ATP2A2: variants seen among roughly 807,000 people sequenced by gnomAD.
The protein encoded by ATP2A2 is ATPase sarcoplasmic/endoplasmic reticulum Ca2+ transporting 2, also known as sarcoplasmic/endoplasmic reticulum calcium ATPase 2.
ATP2A2 carries 14 observed loss-of-function variants against 109.3 expected under a neutral mutation model. The ratio of observed to expected loss-of-function variants is 0.13; its 90% CI spans 0.08 to 0.20. The LOEUF (loss-of-function observed/expected upper bound fraction) is 0.20, where lower values mean the gene tolerates loss of function less well. Ranked by LOEUF, ATP2A2 falls within the 10% of genes least tolerant of loss-of-function variation. The pLI is 1.00. For synonymous variants in ATP2A2, 506 were observed against 490.9 expected, an observed-to-expected ratio of 1.03 and a Z score of -0.41; for missense variants, 657 against 1,321.6, an observed-to-expected ratio of 0.50 and a Z score of 7.80.
rs1335196051 is a variant in ATP2A2 at position 110,342,978 on chromosome 12, A to G, written c.2319-254A>G. On this transcript the variant is annotated intron_variant, in intron 15 of 19. Coordinates refer to ENST00000539276, the MANE Select transcript of ATP2A2 (RefSeq NM_170665.4). The surrounding 1 kb of genome is among the most constrained non-coding windows in gnomAD (Gnocchi z 4.6). ...GGTCTCTTAACTGCTGAGCTCAGCCAGTCTGCCCACCTTGGCTTCCCAAAG... is the reference window on the plus strand; with the variant it reads ...GGTCTCTTAACTGCTGAGCTCAGCCGGTCTGCCCACCTTGGCTTCCCAAAG... Among the ~76,000 whole-genome samples, 2 of 152,168 alleles carry G rather than the reference A, an allele frequency of 1.3e-5. No homozygotes were observed. The highest frequency in any genetic ancestry group is 1.3e-4 in the Admixed American group (2 of 15,280).
chr12:110,324,172 A>G (rs1173625200), intron 6 of ATP2A2, among the ~76,000 whole-genome samples: 1 of 152,226 alleles, frequency 6.6e-6, no homozygotes, highest in African/African-American at 2.4e-5. Flanking sequence ...TAGTAAACAT[A>G]AAGTCTAAAG....
rs770945600 is a variant in ATP2A2 at position 110,340,975 on chromosome 12, T to C, written c.2078T>C (p.Phe693Ser). Residue 693 changes from phenylalanine to serine, a missense_variant, in exon 14 of 20, where the codon TTT becomes TCT. By Grantham distance (155) the Phe-to-Ser change is radical (BLOSUM62 -2). This residue lies in a region of ATP2A2 where 50 missense variants were observed against 176.9 expected (regional missense o/e 0.28). Coordinates refer to ENST00000539276, the MANE Select transcript of ATP2A2 (RefSeq NM_170665.4). The surrounding 1 kb of genome is among the most constrained non-coding windows in gnomAD (Gnocchi z 6.0). ...KSKIVEFLQS[F>S]DEITAMTGDG... ...AAAATCGTAGAATTTCTTCAGTCTT[T>C]TGATGAGATTACAGCTATGGTGAGC... The C allele has an allele frequency of 1.2e-6, 2 of 1,614,222 alleles. No homozygotes were observed. Among genetic ancestry groups the C allele is most frequent in the East Asian group, 2.2e-5 (1 of 44,888 alleles).
chr12:110,341,513 AAATATT>A (rs1429835915), intron 14 of ATP2A2, among the ~76,000 whole-genome samples: 2 of 152,172 alleles, frequency 1.3e-5, no homozygotes, highest in Non-Finnish European at 2.9e-5. Context: ...AATTTAGCAA[AAATATT>A]AAAAACATGG....
Position 110,344,188 on chromosome 12 carries a change from C to T in ATP2A2, c.2522-698C>T, listed in dbSNP as rs186748252. On this transcript the variant is annotated intron_variant, in intron 16 of 19. Transcript: ENST00000539276. ...ATGCGTAGTGCCTCATCCTTGCAGC[C>T]AGCGGCCTTCATGCTCCACTGTAAT... is the stretch of plus-strand genomic sequence containing the variant. Among the ~76,000 whole-genome samples the T allele has an allele frequency of 3.9e-3, 595 of 152,246 alleles. 7 individuals are homozygous for T. Among genetic ancestry groups the T allele is most frequent in the South Asian group, 6.6e-3 (32 of 4,828 alleles).
rs568261517 is a variant in ATP2A2 at position 110,311,089 on chromosome 12, G to A, written c.464-11903G>A. On this transcript the variant is annotated intron_variant, in intron 5 of 19. Transcript: ENST00000539276. The stretch of plus-strand genomic sequence containing the variant: ...TTAGATAGTATGGCCATGAGTCCAT[G>A]TGGACTTTTTTTTGCTTTTAGAAAG... Among the ~76,000 whole-genome samples, 5 of 152,334 alleles carry A rather than the reference G, an allele frequency of 3.3e-5. No individual in the cohort carries two copies. In the South Asian group the frequency reaches 1.0e-3, roughly 32 times the overall value.
chr12:110,302,347 C>CA (rs991458955), intron 5 of ATP2A2, among the ~76,000 whole-genome samples: 16 of 151,438 alleles, frequency 1.1e-4, no homozygotes, highest in African/African-American at 3.6e-4. Context: ...ATTTAATATT[C>CA]AAAAAAAACC....
chr12:110,343,107 T>C, intron 15 of ATP2A2, 125 bp from the exon 16 acceptor site: 2 of 1,010,134 alleles, frequency 2.0e-6, no homozygotes, highest in Non-Finnish European at 3.1e-6. Flanking sequence ...GGTATAAGTA[T>C]TTTACAGATT....
chr12:110,293,822 ATATATG>A (rs1873620830), intron 4 of ATP2A2, among the ~76,000 whole-genome samples: 1 of 129,880 alleles, frequency 7.7e-6, no homozygotes, highest in South Asian at 2.5e-4. Context: ...ATTGTGCCAT[ATATATG>A]TGTGTGTGTG....
At chr12:110,301,373 T>C (rs908876373) in intron 5 of ATP2A2, among the ~76,000 whole-genome samples, 1 of 152,238 alleles carries the variant, frequency 6.6e-6, no homozygotes, top group African/African-American at 2.4e-5. Context: ...TTTCTCTGTA[T>C]CTTTGAATCC....
chr12:110,350,094 C>T lies in ATP2A2; in HGVS notation c.*3624C>T, dbSNP rs1245508310. On this transcript the variant is annotated 3_prime_UTR_variant, in exon 20 of 20. Coordinates refer to ENST00000539276, the MANE Select transcript of ATP2A2 (RefSeq NM_170665.4). Reference sequence around the variant, plus strand: ...ACACGAGGAGTCTGTGTCACTGAGCCAGTGCTTCTAGATGCTACCCTGTGT... The same window carrying T: ...ACACGAGGAGTCTGTGTCACTGAGCTAGTGCTTCTAGATGCTACCCTGTGT... 3 of 1,461,692 alleles carry T rather than the reference C, an allele frequency of 2.1e-6. No homozygotes were observed. The highest frequency in any genetic ancestry group is 2.7e-6 in the Non-Finnish European group (3 of 1,111,824). 90.5% of individuals were successfully genotyped at this position (1,461,692 alleles called of 1,614,324 possible). A position where few individuals can be genotyped will look rare whatever the true frequency, so the allele number is the denominator to read the frequency against.
chr12:110,317,402 G>T (rs1447888508), intron 5 of ATP2A2, among the ~76,000 whole-genome samples: 1 of 148,894 alleles, frequency 6.7e-6, no homozygotes, highest in Non-Finnish European at 1.5e-5. Context: ...AAATAATGCT[G>T]ATTTTTGGTT....
intron 9 of ATP2A2, 37 bp downstream of exon 9, chr12:110,332,722 T>C (rs1388248763): frequency 3.3e-6 from 5 of 1,520,408 alleles, no homozygotes; most frequent in Non-Finnish European, 4.6e-6. Flanking sequence ...GGATCTGGTG[T>C]GGCAGTTTAG....
intron 1 of ATP2A2, among the ~76,000 whole-genome samples, chr12:110,282,377 C>A (rs1355340448): frequency 6.6e-6 from 1 of 152,150 alleles, no homozygotes; most frequent in Non-Finnish European, 1.5e-5. Context: ...TAGGGCTAGA[C>A]CTCAGGCCAT....
Position 110,344,759 on chromosome 12 carries a change from C to T in ATP2A2, c.2522-127C>T, listed in dbSNP as rs1188510945. The T allele has an allele frequency of 3.3e-6, 3 of 910,922 alleles. No homozygotes were observed. The Admixed American group carries it at 5.7e-5, about 17-fold the overall frequency. 56.4% of individuals were successfully genotyped at this position (910,922 alleles called of 1,614,324 possible). On this transcript the variant is annotated intron_variant, in intron 16 of 19. Coordinates refer to ENST00000539276, the MANE Select transcript of ATP2A2 (RefSeq NM_170665.4). Reference sequence around the variant, plus strand: ...GCGTGAGCAGGTGGTGGTAGCACCACAGGCCCCGGTTACCATCACTGTCCC... The same window carrying T: ...GCGTGAGCAGGTGGTGGTAGCACCATAGGCCCCGGTTACCATCACTGTCCC...
intron 5 of ATP2A2, among the ~76,000 whole-genome samples, chr12:110,301,421 T>C (rs981056460): frequency 2.6e-5 from 4 of 152,230 alleles, no homozygotes; most frequent in Non-Finnish European, 5.9e-5. Context: ...TGTAAGACAC[T>C]CTAACCTAAT....
intron 3 of ATP2A2, among the ~76,000 whole-genome samples, chr12:110,286,641 G>A (rs1415278265): frequency 1.3e-5 from 2 of 149,892 alleles, no homozygotes; most frequent in Non-Finnish European, 3.0e-5. Context: ...TTATCGTAAC[G>A]TTTATTGGTA....
intron 3 of ATP2A2, among the ~76,000 whole-genome samples, chr12:110,289,139 G>A (rs568499698): frequency 6.6e-6 from 1 of 152,182 alleles, no homozygotes; most frequent in Non-Finnish European, 1.5e-5. Flanking sequence ...GTTGCTTTAA[G>A]TTTGTTCCCC....
rs1877969071 is a variant in ATP2A2 at position 110,327,960 on chromosome 12, T to C, written c.1038T>C (p.Ser346=). ...CTGTGGAAACCCTTGGTTGTACTTC[T>C]GTTATCTGCTCAGACAAGACTGGTA... ...LPSVETLGCT[S]VICSDKTGTL... The change falls in exon 8 of 20, where the codon TCT becomes TCC. Residue 346 remains serine (S), a synonymous_variant. Transcript: ENST00000539276. The surrounding 1 kb of genome is among the most constrained non-coding windows in gnomAD (Gnocchi z 4.4). The C allele has an allele frequency of 6.2e-7, 1 of 1,614,190 alleles. No homozygotes were observed. Among genetic ancestry groups the C allele is most frequent in the Non-Finnish European group, 8.5e-7 (1 of 1,180,030 alleles).
intron 5 of ATP2A2, among the ~76,000 whole-genome samples, chr12:110,298,711 C>T (rs1309477912): frequency 6.6e-6 from 1 of 152,146 alleles, no homozygotes; most frequent in African/African-American, 2.4e-5. Context: ...GAGCCCCAGA[C>T]TCCATCTCAA....
Sources: allele counts gnomAD v4.1 joint callset (sites outside exome capture counted in the v4.1 genomes callset), GRCh38; gene constraint gnomAD v4.1.1; regional missense constraint gnomAD v4.1.1; non-coding constraint Gnocchi (gnomAD v3.1); transcripts MANE v1.5; gene names NCBI Gene and HGNC (gene_info 2026-07-23, HGNC 2026-07-21).